Variants in MRTO4 observed in about 807,000 individuals in gnomAD.
MRTO4 encodes mRNA turnover protein 4 homolog.
Under a neutral mutation model 28.6 loss-of-function variants are expected in MRTO4, and 7 were observed. The ratio of observed to expected loss-of-function variants is 0.24; its 90% CI spans 0.14 to 0.46. MRTO4 has a LOEUF of 0.46. Ranked by LOEUF, MRTO4 falls within the 20% of genes least tolerant of loss-of-function variation. The probability of loss-of-function intolerance (pLI) is 0.99; values close to 1 mark genes in which losing one functional copy is unlikely to be tolerated. For missense variants in MRTO4, 302 were observed against 298.3 expected, an observed-to-expected ratio of 1.01 and a Z score of -0.09; for synonymous variants, 113 against 108.2, an observed-to-expected ratio of 1.04 and a Z score of -0.27.
In MRTO4 at chr1:19,257,513, G is replaced by A. The variant is rs1254600737; in HGVS notation, c.333G>A (p.Glu111=). 5 of 1,614,218 alleles carry A rather than the reference G, an allele frequency of 3.1e-6. No homozygotes were observed. The highest frequency in any genetic ancestry group is 1.7e-5 in the Admixed American group (1 of 60,032). ...TGTTCACCAACCGCACAAAGGAGGA[G>A]GTGAATGAGTAAGTACTGCTGAGGA... ...GLLFTNRTKE[E]VNEWFTKYTE... Residue 111 remains glutamate, a synonymous_variant, in exon 5 of 8, where the codon GAG becomes GAA. Coordinates refer to ENST00000330263, the MANE Select transcript of MRTO4 (RefSeq NM_016183.4).
At chr1:19,252,986 CCT>C (rs1269440517) in intron 1 of MRTO4, among the ~76,000 whole-genome samples, 2 of 152,280 alleles carry the variant, frequency 1.3e-5, no homozygotes, top group Admixed American at 6.5e-5. Flanking sequence ...GCTGTGGTGG[CCT>C]CTCTCTTAAC....
rs2093675935 is a variant in MRTO4 at position 19,258,911 on chromosome 1, A to G, written c.*81A>G. 6.9e-7 allele frequency: 1 copy of G among 1,459,014 alleles called. No individual in the cohort carries two copies. Among genetic ancestry groups the G allele is most frequent in the Admixed American group, 2.5e-5 (1 of 39,828 alleles). The allele number at this position is 1,459,014 out of a possible 1,614,324, so 90.4% of individuals were successfully genotyped here. On this transcript the variant is annotated 3_prime_UTR_variant, in exon 8 of 8. Transcript: ENST00000330263. ...GGACTGCTGCCGCCCCTCTGGAGAG[A>G]GCAGCTTTTTATTTGTCTGTAGACA...
At chr1:19,255,745 G>A (rs1423070805) in intron 2 of MRTO4, among the ~76,000 whole-genome samples, 1 of 152,154 alleles carries the variant, frequency 6.6e-6, no homozygotes, top group Non-Finnish European at 1.5e-5. Context: ...GCCGTGGGGT[G>A]TAGATCCATG....
In MRTO4 at chr1:19,258,947, T is replaced by C. The variant is rs1173303948; in HGVS notation, c.*117T>C. 4.8e-6 allele frequency: 6 copies of C among 1,239,886 alleles called. No homozygotes were observed. Among genetic ancestry groups the C allele is most frequent in the Admixed American group, 5.6e-5 (2 of 35,734 alleles). 76.8% of individuals were successfully genotyped at this position (1,239,886 alleles called of 1,614,324 possible). A position where few individuals can be genotyped will look rare whatever the true frequency, so the allele number is the denominator to read the frequency against. ...ATTTGTCTGTAGACAGGGAACATGA[T>C]GGGCACTGACCTCCTGTAAAGAATA... On this transcript the variant is annotated 3_prime_UTR_variant, in exon 8 of 8. Transcript: ENST00000330263.
At chr1:19,258,332 C>A in intron 6 of MRTO4, 145 bp from the exon 7 acceptor site, 1 of 1,001,746 alleles carries the variant, frequency 1.0e-6, no homozygotes, top group Non-Finnish European at 1.5e-6. Flanking sequence ...ATCAAAGGGA[C>A]CTCAGGGAGA....
intron 4 of MRTO4, 72 bp downstream of exon 4, chr1:19,257,217 C>T: frequency 6.7e-7 from 1 of 1,499,230 alleles, no homozygotes. Context: ...CATGTGACAG[C>T]CTCCCCCAGC....
Position 19,257,095 on chromosome 1 carries a change from G to T in MRTO4, c.223G>T (p.Val75Leu). ...CTTTGGCAAAAACAAGGTGATGATG[G>T]TGGCCTTGGGTCGGAGCCCATCTGA... is the stretch of plus-strand genomic sequence containing the variant. ...MFFGKNKVMM[V>L]ALGRSPSDEY... Residue 75 changes from valine (V) to leucine (L), a missense_variant, in exon 4 of 8, where the codon GTG becomes TTG. Val to Leu is a conservative substitution (Grantham distance 32). Transcript: ENST00000330263. The T allele has an allele frequency of 1.2e-6, 2 of 1,614,082 alleles. No individual in the cohort carries two copies. The highest frequency in any genetic ancestry group is 1.7e-6 in the Non-Finnish European group (2 of 1,180,014).
At position 19,257,902 on chromosome 1, in the gene MRTO4, G is replaced by T; in HGVS notation, c.411G>T (p.Leu137=). The T allele has an allele frequency of 6.2e-7, 1 of 1,614,140 alleles. No homozygotes were observed. Among genetic ancestry groups the T allele is most frequent in the Non-Finnish European group, 8.5e-7 (1 of 1,180,030 alleles). Residue 137 remains leucine, a synonymous_variant, in exon 6 of 8, where the codon CTG becomes CTT. Coordinates refer to ENST00000330263, the MANE Select transcript of MRTO4 (RefSeq NM_016183.4). ...AGNKAAFTVS[L]DPGPLEQFPH... ...ACAAAGCAGCTTTCACTGTGAGCCT[G>T]GATCCAGGGCCCCTGGAGCAGTTCC...
At chr1:19,256,571 G>C (rs2093671867) in intron 3 of MRTO4, among the ~76,000 whole-genome samples, 1 of 152,232 alleles carries the variant, frequency 6.6e-6, no homozygotes, top group South Asian at 2.1e-4. Context: ...TTGCTCAGGA[G>C]ATGTTTGAGA....
intron 1 of MRTO4, among the ~76,000 whole-genome samples, chr1:19,253,680 C>T (rs1010826672): frequency 1.3e-5 from 2 of 152,216 alleles, no homozygotes; most frequent in South Asian, 2.1e-4. Context: ...GTTTGCCCTC[C>T]TCTGCTCCAC....
intron 6 of MRTO4, 53 bp downstream of exon 6, chr1:19,258,037 G>C: frequency 6.3e-7 from 1 of 1,580,022 alleles, no homozygotes; most frequent in Non-Finnish European, 8.6e-7. Flanking sequence ...AAGAGCACGG[G>C]CCTGCAAGCT....
chr1:19,252,378 C>T (rs55852916), intron 1 of MRTO4: 14,769 of 164,146 alleles, frequency 0.09, 758 homozygotes, highest in Non-Finnish European at 0.11. Context: ...CGCTCTGTTG[C>T]CCAGGCTGGA....
chr1:19,259,678 T>G lies in MRTO4; in HGVS notation c.*848T>G, dbSNP rs1230687895. ...GCTGGGGTTTCTCTTCAGTCCTGGG[T>G]ACCCCTTGGCAGAGGGATTTGCTGA... On this transcript the variant is annotated 3_prime_UTR_variant, in exon 8 of 8. Transcript: ENST00000330263. 1 of 152,300 alleles carries G rather than the reference T, an allele frequency of 6.6e-6. No homozygotes were observed. The highest frequency in any genetic ancestry group is 1.5e-5 in the Non-Finnish European group (1 of 68,096). 9.4% of individuals were successfully genotyped at this position (152,300 alleles called of 1,614,324 possible).
At position 19,251,875 on chromosome 1, in the gene MRTO4, G is replaced by A. The variant is rs2151970796; in HGVS notation, c.28+12G>A. On this transcript the variant is annotated intron_variant, in intron 1 of 7. Coordinates refer to ENST00000330263, the MANE Select transcript of MRTO4 (RefSeq NM_016183.4). ...GCGCGACAAGAAAGGTGGGCGAAGGGGGAGTCGGGACCCTGGGGGGAGCTC... is the reference window on the plus strand; with the variant it reads ...GCGCGACAAGAAAGGTGGGCGAAGGAGGAGTCGGGACCCTGGGGGGAGCTC... The A allele has an allele frequency of 6.3e-7, 1 of 1,591,640 alleles. No individual in the cohort carries two copies. The highest frequency in any genetic ancestry group is 1.3e-5 in the African/African-American group (1 of 74,630).
intron 4 of MRTO4, 121 bp downstream of exon 4, chr1:19,257,266 C>A: frequency 8.0e-7 from 1 of 1,245,090 alleles, no homozygotes; most frequent in Non-Finnish European, 1.2e-6. Context: ...CAGGGCCTGG[C>A]TTAAAGCTCT....
At position 19,258,939 on chromosome 1, in the gene MRTO4, G is replaced by C. The variant is rs1435294092; in HGVS notation, c.*109G>C. ...AGCTTTTTATTTGTCTGTAGACAGGGAACATGATGGGCACTGACCTCCTGT... is the reference window on the plus strand; with the variant it reads ...AGCTTTTTATTTGTCTGTAGACAGGCAACATGATGGGCACTGACCTCCTGT... On this transcript the variant is annotated 3_prime_UTR_variant, in exon 8 of 8. Transcript: ENST00000330263. 2.3e-6 allele frequency: 3 copies of C among 1,295,240 alleles called. No homozygotes were observed. The highest frequency in any genetic ancestry group is 1.5e-5 in the South Asian group (1 of 65,388). 80.2% of individuals were successfully genotyped at this position (1,295,240 alleles called of 1,614,324 possible). A position where few individuals can be genotyped will look rare whatever the true frequency, so the allele number is the denominator to read the frequency against.
At chr1:19,255,837 C>A in intron 2 of MRTO4, 111 bp from the exon 3 acceptor site, 2 of 869,876 alleles carry the variant, frequency 2.3e-6, no homozygotes, top group Non-Finnish European at 3.6e-6. Flanking sequence ...CCAGTTCTTC[C>A]AGTTTCCATA....
At chr1:19,252,419 C>G (rs1404912496) in intron 1 of MRTO4, among the ~76,000 whole-genome samples, 1 of 152,168 alleles carries the variant, frequency 6.6e-6, no homozygotes, top group Non-Finnish European at 1.5e-5. Flanking sequence ...CACTGCAGGC[C>G]GGATGCGGTG....
chr1:19,256,200 G>A (rs1461563816), intron 3 of MRTO4, 149 bp downstream of exon 3: 1 of 678,160 alleles, frequency 1.5e-6, no homozygotes. Flanking sequence ...TGCCACTGAA[G>A]AGCACTTCCT....
Sources: allele counts gnomAD v4.1 joint callset (sites outside exome capture counted in the v4.1 genomes callset), GRCh38; gene constraint gnomAD v4.1.1; transcripts MANE v1.5; gene names NCBI Gene and HGNC (gene_info 2026-07-23, HGNC 2026-07-21).